Variants in EHBP1 observed in about 807,000 individuals in gnomAD.
The protein encoded by EHBP1 is EH domain-binding protein 1.
In EHBP1, 55 loss-of-function variants were observed where a neutral mutation model predicts 144.0. That is an observed-to-expected ratio of 0.38 (90% CI 0.31 to 0.48). EHBP1 has a LOEUF of 0.48. Among genes scored for constraint, EHBP1 ranks in the 20% least tolerant of loss-of-function variants. The pLI is 0.98. For missense variants in EHBP1, 1,200 were observed against 1,364.2 expected (o/e 0.88, Z 1.90); for synonymous variants, 469 against 472.7 (o/e 0.99, Z 0.10).
chr2:62,676,249 T>G (rs1463984938), intron 1 of EHBP1, among the ~76,000 whole-genome samples: 1 of 152,266 alleles, frequency 6.6e-6, no homozygotes, highest in Admixed American at 6.5e-5. Flanking sequence ...TCCCATTTCA[T>G]GAAGTGATAA....
At chr2:63,006,449 CACT>C (rs1373047779) in intron 19 of EHBP1, among the ~76,000 whole-genome samples, 1 of 151,558 alleles carries the variant, frequency 6.6e-6, no homozygotes, top group African/African-American at 2.4e-5. Context: ...CTGTTTTTTC[CACT>C]TCTACTTCAT....
At chr2:63,040,882 A>T (rs2061631478) in intron 21 of EHBP1, among the ~76,000 whole-genome samples, 1 of 152,238 alleles carries the variant, frequency 6.6e-6, no homozygotes, top group African/African-American at 2.4e-5. Context: ...GTGGACACAC[A>T]TTCAGATGAA....
chr2:62,862,406 C>G (rs963604361), intron 8 of EHBP1, among the ~76,000 whole-genome samples: 1 of 152,046 alleles, frequency 6.6e-6, no homozygotes, highest in African/African-American at 2.4e-5. Flanking sequence ...GTCAGGAGTT[C>G]AAGACCAGCC....
intron 5 of EHBP1, among the ~76,000 whole-genome samples, chr2:62,822,075 C>T (rs1408356822): frequency 1.3e-5 from 2 of 152,106 alleles, no homozygotes; most frequent in Admixed American, 6.6e-5. Context: ...CTTATTCATT[C>T]ATTCTAACCA....
chr2:62,915,592 C>T (rs1032290790), intron 10 of EHBP1, among the ~76,000 whole-genome samples: 16 of 152,132 alleles, frequency 1.1e-4, no homozygotes, highest in Non-Finnish European at 1.9e-4. Flanking sequence ...GAAAGCATCC[C>T]TCTTTCCTAG....
At chr2:62,835,581 T>C (rs914365298) in intron 7 of EHBP1, among the ~76,000 whole-genome samples, 1 of 152,124 alleles carries the variant, frequency 6.6e-6, no homozygotes, top group Non-Finnish European at 1.5e-5. Context: ...TCTGAGGTAC[T>C]GGGTGCATCT....
intron 2 of EHBP1, among the ~76,000 whole-genome samples, chr2:62,734,832 G>A (rs936669839): frequency 6.6e-6 from 1 of 152,148 alleles, no homozygotes; most frequent in Non-Finnish European, 1.5e-5. Flanking sequence ...GGGTTTAAAC[G>A]ATCCTCCCAC....
chr2:62,972,697 T>C (rs2058551620), intron 14 of EHBP1, among the ~76,000 whole-genome samples: 1 of 152,194 alleles, frequency 6.6e-6, no homozygotes, highest in Admixed American at 6.5e-5. Flanking sequence ...CAAGCAAAAT[T>C]GTCTCTGTGG....
intron 6 of EHBP1, 59 bp from the exon 7 acceptor site, chr2:62,830,960 C>T (rs2046785131): frequency 2.6e-6 from 4 of 1,536,158 alleles, no homozygotes; most frequent in Non-Finnish European, 3.5e-6. Flanking sequence ...TCTTAAGAAA[C>T]CATCATTTTT....
intron 7 of EHBP1, among the ~76,000 whole-genome samples, chr2:62,832,098 A>G (rs1180174925): frequency 6.6e-6 from 1 of 152,152 alleles, no homozygotes; most frequent in Non-Finnish European, 1.5e-5. Flanking sequence ...TGTAAATTTT[A>G]TTATTTTCTA....
At chr2:62,743,263 G>T (rs1290060271) in intron 2 of EHBP1, among the ~76,000 whole-genome samples, 5 of 151,936 alleles carry the variant, frequency 3.3e-5, no homozygotes, top group Non-Finnish European at 1.5e-5. Flanking sequence ...CATTGAAAGT[G>T]TCATTGTAAA....
chr2:62,886,828 A>G (rs1428605370), intron 10 of EHBP1, among the ~76,000 whole-genome samples: 2 of 152,190 alleles, frequency 1.3e-5, no homozygotes, highest in Non-Finnish European at 2.9e-5. Context: ...CTAAGAACAA[A>G]TTACACTGAC....
intron 12 of EHBP1, among the ~76,000 whole-genome samples, chr2:62,944,944 G>A (rs2056978537): frequency 6.6e-6 from 1 of 152,202 alleles, no homozygotes; most frequent in Non-Finnish European, 1.5e-5. Flanking sequence ...TGAACTGTGG[G>A]TAGAAATCAG....
intron 5 of EHBP1, among the ~76,000 whole-genome samples, chr2:62,820,681 C>G (rs1272562036): frequency 1.4e-5 from 2 of 138,220 alleles, no homozygotes; most frequent in Admixed American, 1.5e-4. Context: ...GTCAAAATGT[C>G]CTTTTTAAGG....
chr2:63,025,549 C>A (rs983057022), intron 19 of EHBP1, among the ~76,000 whole-genome samples: 2 of 152,172 alleles, frequency 1.3e-5, no homozygotes, highest in Non-Finnish European at 2.9e-5. Flanking sequence ...AGGCGTGAGG[C>A]TCTGGCCCTT....
intron 10 of EHBP1, among the ~76,000 whole-genome samples, chr2:62,910,830 C>T (rs1019993191): frequency 6.6e-6 from 1 of 152,118 alleles, no homozygotes; most frequent in African/African-American, 2.4e-5. Context: ...TAAAACAGAT[C>T]CTCAGTAATG....
At chr2:62,995,849 A>G (rs934627193) in intron 18 of EHBP1, among the ~76,000 whole-genome samples, 2 of 152,142 alleles carry the variant, frequency 1.3e-5, no homozygotes, top group African/African-American at 4.8e-5. Context: ...ACTGGCACAC[A>G]TATATAAAAA....
intron 21 of EHBP1, among the ~76,000 whole-genome samples, chr2:63,041,392 G>A (rs1024967379): frequency 3.9e-5 from 6 of 152,004 alleles, no homozygotes; most frequent in Admixed American, 6.6e-5. Flanking sequence ...CACACATTGG[G>A]GTGGGCTTTT....
chr2:62,946,881 C>T (rs1281264598), intron 12 of EHBP1, among the ~76,000 whole-genome samples: 1 of 152,100 alleles, frequency 6.6e-6, no homozygotes, highest in African/African-American at 2.4e-5. Flanking sequence ...GCAGGAGTTT[C>T]CCCACAAGGA....
Sources: gnomAD v4.1 joint callset for allele counts (sites outside exome capture counted in the v4.1 genomes callset) on GRCh38, gnomAD v4.1.1 for gene constraint, MANE v1.5 for transcripts, NCBI Gene and HGNC (gene_info 2026-07-23, HGNC 2026-07-21) for gene names.